Variants in WDR25 observed in about 807,000 individuals in gnomAD.
WDR25 encodes the protein WD repeat-containing protein 25.
A neutral mutation model predicts 47.7 loss-of-function variants in WDR25; 35 were observed. The ratio of observed to expected loss-of-function variants is 0.73; its 90% confidence interval spans 0.56 to 0.97. WDR25 has a LOEUF of 0.97. WDR25 is among the 50% of genes least tolerant of loss of function. The probability of loss-of-function intolerance (pLI) is 0.00; values close to 1 mark genes in which losing one functional copy is unlikely to be tolerated. For synonymous variants in WDR25, 248 were observed against 278.9 expected (o/e 0.89, Z 1.10); for missense variants, 634 against 704.7 (o/e 0.90, Z 1.14).
intron 2 of WDR25, among the ~76,000 whole-genome samples, chr14:100,396,120 G>T (rs1055344291): frequency 1.6e-4 from 24 of 151,988 alleles, no homozygotes; most frequent in African/African-American, 5.8e-4. Flanking sequence ...GGGACTACAG[G>T]CGCCCACCAC....
In WDR25 at chr14:100,502,646, G is replaced by A. The variant is rs1900966930; in HGVS notation, c.1101+18522G>A. On this transcript the variant is annotated intron_variant, in intron 4 of 6. Transcript: ENST00000402312. This position sits in a 1 kb window ranked among gnomAD's most constrained non-coding sequence, Gnocchi z 4.5. ...CATGGCCAAGTGGCCACGGCGTGGG[G>A]GAACATGAGGTCCCTCCCTGCATGG... Among the ~76,000 whole-genome samples, 1 of 152,210 alleles carries A rather than the reference G, an allele frequency of 6.6e-6. No homozygotes were observed. Among genetic ancestry groups the A allele is most frequent in the South Asian group, 2.1e-4 (1 of 4,834 alleles).
At chr14:100,496,561 G>T (rs1900733340) in intron 4 of WDR25, among the ~76,000 whole-genome samples, 1 of 152,060 alleles carries the variant, frequency 6.6e-6, no homozygotes, top group South Asian at 2.1e-4. Context: ...AAGGAGGCAA[G>T]TTAGGCCATT....
At chr14:100,427,211 C>T (rs1898194369) in intron 2 of WDR25, among the ~76,000 whole-genome samples, 1 of 152,132 alleles carries the variant, frequency 6.6e-6, no homozygotes, top group Admixed American at 6.5e-5. Flanking sequence ...CTTCCTCCTA[C>T]TCTCTTCTTC....
At chr14:100,401,602 G>T (rs185357452) in intron 2 of WDR25, among the ~76,000 whole-genome samples, 141 of 152,340 alleles carry the variant, frequency 9.3e-4, no homozygotes, top group African/African-American at 3.3e-3. Flanking sequence ...GCAGGTTCTG[G>T]TGGTAGTAAG....
Position 100,524,685 on chromosome 14 carries a change from T to C in WDR25, c.1102-1185T>C, listed in dbSNP as rs535119983. On this transcript the variant is annotated intron_variant, in intron 4 of 6. Coordinates refer to ENST00000402312, the MANE Select transcript of WDR25 (RefSeq NM_001161476.3). Reference sequence around the variant, plus strand: ...CCCCCAGGAATTACAGAGGCAGGAATTGACCAGCAGGAGAATGAACCGTGG... The same window carrying C: ...CCCCCAGGAATTACAGAGGCAGGAACTGACCAGCAGGAGAATGAACCGTGG... Among the ~76,000 whole-genome samples, 209 of 152,238 alleles carry C rather than the reference T, an allele frequency of 1.4e-3. 1 individual carries two copies. The highest frequency in any genetic ancestry group is 4.8e-3 in the African/African-American group (199 of 41,534).
In WDR25 at chr14:100,500,609, C is replaced by G. The variant is rs929854805; in HGVS notation, c.1101+16485C>G. On this transcript the variant is annotated intron_variant, in intron 4 of 6. Transcript: ENST00000402312. The surrounding 1 kb of genome is among the most constrained non-coding windows in gnomAD (Gnocchi z 4.7). ...GGCAGGGCCTGGGGTTTTGGGGCCC[C>G]CCACAGTTTTGACGCTGGCTCAGCC... 2.0e-5 allele frequency among the ~76,000 whole-genome samples: 3 copies of G among 152,210 alleles called. No homozygotes were observed. The highest frequency in any genetic ancestry group is 7.2e-5 in the African/African-American group (3 of 41,446).
chr14:100,453,725 A>C (rs897929016), intron 2 of WDR25, among the ~76,000 whole-genome samples: 1 of 152,170 alleles, frequency 6.6e-6, no homozygotes, highest in African/African-American at 2.4e-5. Flanking sequence ...CACTCTGCGA[A>C]GTGGGTGTAG....
intron 2 of WDR25, among the ~76,000 whole-genome samples, chr14:100,419,539 A>G (rs1463726410): frequency 2.6e-5 from 4 of 152,188 alleles, no homozygotes; most frequent in Non-Finnish European, 5.9e-5. Context: ...GTCTTTGGAG[A>G]TGTAATAGTC....
At chr14:100,528,439 T>TC (rs1412183933) in intron 5 of WDR25, among the ~76,000 whole-genome samples, 1 of 143,862 alleles carries the variant, frequency 7.0e-6, no homozygotes, top group Non-Finnish European at 1.5e-5. Flanking sequence ...TTCTTTCTTT[T>TC]TTTTTTTTTT....
At chr14:100,412,943 C>T (rs951867204) in intron 2 of WDR25, among the ~76,000 whole-genome samples, 2 of 152,154 alleles carry the variant, frequency 1.3e-5, no homozygotes, top group African/African-American at 2.4e-5. Flanking sequence ...GAATCTCCTG[C>T]CTCAGCTTCC....
rs894938538 is a variant in WDR25, at chr14:100,468,642, T to A, written c.970+474T>A. Among the ~76,000 whole-genome samples the A allele has an allele frequency of 6.6e-6, 1 of 152,134 alleles. No individual in the cohort carries two copies. Among genetic ancestry groups the A allele is most frequent in the Non-Finnish European group, 1.5e-5 (1 of 68,030 alleles). On this transcript the variant is annotated intron_variant, in intron 3 of 6. Transcript: ENST00000402312. The surrounding 1 kb of genome is among the most constrained non-coding windows in gnomAD (Gnocchi z 4.5). ...TGAAAAGGCACTTGGGTAGGATGGA[T>A]TCGTGCCGGGTAAATCCTGAGAGGG...
chr14:100,524,456 C>A (rs961392963), intron 4 of WDR25, among the ~76,000 whole-genome samples: 1 of 152,178 alleles, frequency 6.6e-6, no homozygotes, highest in Non-Finnish European at 1.5e-5. Context: ...AGAGCAGGCA[C>A]AGGCATGCAG....
intron 4 of WDR25, among the ~76,000 whole-genome samples, chr14:100,516,604 C>T (rs918577098): frequency 3.3e-5 from 5 of 152,120 alleles, no homozygotes; most frequent in Admixed American, 6.5e-5. Flanking sequence ...GACACTTGTA[C>T]GTTTTCATTG....
At position 100,449,697 on chromosome 14, in the gene WDR25, C is replaced by T. The variant is rs114776089; in HGVS notation, c.823-18324C>T. On this transcript the variant is annotated intron_variant, in intron 2 of 6. Coordinates refer to ENST00000402312, the MANE Select transcript of WDR25 (RefSeq NM_001161476.3). This position sits in a 1 kb window ranked among gnomAD's most constrained non-coding sequence, Gnocchi z 4.2. ...TGCTGAGAGCATCCCTGAGTCCCTG[C>T]ACGTGCATGAAGCAGACAGAGTGAT... Among the ~76,000 whole-genome samples, 2,508 of 152,336 alleles carry T rather than the reference C, an allele frequency of 0.016. 76 individuals carry two copies. Among genetic ancestry groups the T allele is most frequent in the African/African-American group, 0.056 (2,326 of 41,560 alleles).
In WDR25 at chr14:100,500,611, C is replaced by G. The variant is rs1008217138; in HGVS notation, c.1101+16487C>G. The stretch of plus-strand genomic sequence containing the variant: ...CAGGGCCTGGGGTTTTGGGGCCCCC[C>G]ACAGTTTTGACGCTGGCTCAGCCAA... On this transcript the variant is annotated intron_variant, in intron 4 of 6. Transcript: ENST00000402312. This position sits in a 1 kb window ranked among gnomAD's most constrained non-coding sequence, Gnocchi z 4.7. Among the ~76,000 whole-genome samples the G allele has an allele frequency of 6.6e-6, 1 of 152,204 alleles. No individual in the cohort carries two copies. The highest frequency in any genetic ancestry group is 2.1e-4 in the South Asian group (1 of 4,830).
At chr14:100,435,873 C>T (rs1898485211) in intron 2 of WDR25, among the ~76,000 whole-genome samples, 1 of 152,164 alleles carries the variant, frequency 6.6e-6, no homozygotes, top group South Asian at 2.1e-4. Flanking sequence ...TTAGATGTGA[C>T]TTCCAGGGAG....
At chr14:100,436,770 G>T (rs1427315488) in intron 2 of WDR25, among the ~76,000 whole-genome samples, 1 of 152,178 alleles carries the variant, frequency 6.6e-6, no homozygotes, top group Non-Finnish European at 1.5e-5. Context: ...ACATCTGGCT[G>T]GGCATCATAT....
chr14:100,494,698 G>A (rs1900675294), intron 4 of WDR25, among the ~76,000 whole-genome samples: 1 of 152,202 alleles, frequency 6.6e-6, no homozygotes, highest in Non-Finnish European at 1.5e-5. Flanking sequence ...GGCTGGACCT[G>A]GGTGTTTTCT....
At chr14:100,491,491 A>T (rs1900564001) in intron 4 of WDR25, among the ~76,000 whole-genome samples, 1 of 152,218 alleles carries the variant, frequency 6.6e-6, no homozygotes, top group Admixed American at 6.5e-5. Flanking sequence ...GATCACCTGC[A>T]GTGTTCAGTA....
Sources: allele counts gnomAD v4.1 joint callset (sites outside exome capture counted in the v4.1 genomes callset), GRCh38; gene constraint gnomAD v4.1.1; non-coding constraint Gnocchi (gnomAD v3.1); transcripts MANE v1.5; gene names NCBI Gene and HGNC (gene_info 2026-07-23, HGNC 2026-07-21).